GPC3: variants seen among roughly 807,000 people sequenced by gnomAD.
GPC3 encodes the protein glypican 3, also known as glypican-3.
In GPC3, 3 loss-of-function variants were observed where a neutral mutation model predicts 34.4. The ratio of observed to expected loss-of-function variants is 0.09; its 90% CI spans 0.04 to 0.23. GPC3 has a LOEUF of 0.23. GPC3 is among the 10% of genes least tolerant of loss of function. The pLI is 1.00. For missense variants in GPC3, 351 were observed against 445.6 expected, an observed-to-expected ratio of 0.79 and a Z score of 1.91; for synonymous variants, 177 against 174.0, an observed-to-expected ratio of 1.02 and a Z score of -0.13.
intron 1 of GPC3, among the ~76,000 whole-genome samples, chrX:133,974,038 T>G (rs771042572): frequency 1.4e-4 from 16 of 111,773 alleles, no homozygotes; most frequent in Admixed American, 3.8e-4. Context: ...TTCAGCGTTT[T>G]TTTTGTTTTG....
chrX:133,876,308 C>T (rs1286287385), intron 2 of GPC3, among the ~76,000 whole-genome samples: 2 of 111,796 alleles, frequency 1.8e-5, no homozygotes, highest in Non-Finnish European at 3.8e-5. Context: ...TTTCTTTTTC[C>T]CAAAGGCATA....
chrX:133,736,484 T>A (rs757288034), intron 3 of GPC3, among the ~76,000 whole-genome samples: 15 of 111,947 alleles, frequency 1.3e-4, no homozygotes, highest in Non-Finnish European at 3.8e-5. Context: ...CAAATGTCCA[T>A]CAACTGATAA....
At chrX:133,546,962 T>C (rs768633282) in intron 7 of GPC3, among the ~76,000 whole-genome samples, 1 of 112,172 alleles carries the variant, frequency 8.9e-6, no homozygotes, top group East Asian at 2.8e-4. Flanking sequence ...AAATGTGGTA[T>C]GTATACACAG....
intron 3 of GPC3, among the ~76,000 whole-genome samples, chrX:133,725,814 C>G (rs969013028): frequency 1.8e-5 from 2 of 111,949 alleles, no homozygotes; most frequent in Non-Finnish European, 3.8e-5. Flanking sequence ...GCAGGTACTA[C>G]TGTTGGTAAC....
intron 2 of GPC3, among the ~76,000 whole-genome samples, chrX:133,779,040 C>G (rs1025976470): frequency 1.8e-5 from 2 of 111,895 alleles, no homozygotes; most frequent in Admixed American, 1.9e-4. Context: ...GAAAATTTTA[C>G]TGATGAGGAA....
intron 7 of GPC3, among the ~76,000 whole-genome samples, chrX:133,558,279 C>T (rs1044518952): frequency 2.6e-5 from 2 of 75,924 alleles, no homozygotes; most frequent in Non-Finnish European, 4.8e-5. Flanking sequence ...TTAGGAGGCT[C>T]CCTTTTCAAT....
intron 3 of GPC3, among the ~76,000 whole-genome samples, chrX:133,725,105 T>C (rs1348501462): frequency 9.0e-6 from 1 of 111,550 alleles, no homozygotes; most frequent in African/African-American, 3.3e-5. Context: ...AGATGCCCTT[T>C]TATGATGCCC....
At chrX:133,907,482 C>G (rs2076174339) in intron 2 of GPC3, among the ~76,000 whole-genome samples, 1 of 111,393 alleles carries the variant, frequency 9.0e-6, no homozygotes, top group African/African-American at 3.3e-5. Flanking sequence ...CATCTCACCA[C>G]TGAAAAATAG....
At chrX:133,618,332 T>C (rs939485458) in intron 6 of GPC3, among the ~76,000 whole-genome samples, 4 of 111,601 alleles carry the variant, frequency 3.6e-5, no homozygotes, top group African/African-American at 1.3e-4. Flanking sequence ...TCTTAAACCG[T>C]CTGGATACAA....
At chrX:133,751,092 A>C (rs371487895) in intron 3 of GPC3, among the ~76,000 whole-genome samples, 1 of 106,184 alleles carries the variant, frequency 9.4e-6, no homozygotes, top group Admixed American at 1.0e-4. Context: ...TAAATAAATA[A>C]ATAAATAAAT....
chrX:133,794,215 A>T (rs1468947935), intron 2 of GPC3, among the ~76,000 whole-genome samples: 5 of 111,996 alleles, frequency 4.5e-5, no homozygotes, highest in Admixed American at 1.9e-4. Flanking sequence ...GACACCAGTA[A>T]GCAATGCTTG....
At chrX:133,804,562 T>C (rs142544549) in intron 2 of GPC3, among the ~76,000 whole-genome samples, 15 of 110,830 alleles carry the variant, frequency 1.4e-4, no homozygotes, top group Non-Finnish European at 2.6e-4. Context: ...TAAATTCATC[T>C]CTTTTACTCT....
At chrX:133,644,128 ATT>A (rs998777507) in intron 6 of GPC3, among the ~76,000 whole-genome samples, 9 of 109,797 alleles carry the variant, frequency 8.2e-5, no homozygotes, top group Non-Finnish European at 1.7e-4. Flanking sequence ...GCCCGGCCTT[ATT>A]TTTTTGTTAT....
intron 2 of GPC3, among the ~76,000 whole-genome samples, chrX:133,863,640 A>T (rs1211370580): frequency 1.1e-5 from 1 of 90,204 alleles, no homozygotes; most frequent in Non-Finnish European, 2.1e-5. Context: ...GTTAACATAA[A>T]AATATTCCTT....
At chrX:133,883,761 C>T (rs1307574510) in intron 2 of GPC3, among the ~76,000 whole-genome samples, 2 of 111,604 alleles carry the variant, frequency 1.8e-5, no homozygotes, top group Non-Finnish European at 3.8e-5. Flanking sequence ...TATTTGTGTT[C>T]AGTTTTAGCT....
chrX:133,542,543 T>C (rs188803587), intron 7 of GPC3, among the ~76,000 whole-genome samples: 12 of 112,406 alleles, frequency 1.1e-4, no homozygotes, highest in Non-Finnish European at 1.9e-4. Context: ...AAAGAAGTGC[T>C]GCTATCAAAA....
chrX:133,867,197 C>CAA lies in GPC3; in HGVS notation c.337+85851_337+85852dup, dbSNP rs1310046646. Among the ~76,000 whole-genome samples, 205 of 96,104 alleles carry CAA rather than the reference C, an allele frequency of 2.1e-3. 1 individual carries two copies. The highest frequency in any genetic ancestry group is 7.1e-3 in the African/African-American group (188 of 26,372). 83.5% of individuals were successfully genotyped at this position (96,104 alleles called of 115,157 possible). A position where few individuals can be genotyped will look rare whatever the true frequency, so the allele number is the denominator to read the frequency against. ...TGGGTGACAGAGCCAGACTCTGTCTCAAAAAAAAAAAAATTGTTTATTCTA... is the reference window on the plus strand; with the variant it reads ...TGGGTGACAGAGCCAGACTCTGTCTCAAAAAAAAAAAAAAATTGTTTATTCTA... On this transcript the variant is annotated intron_variant, in intron 2 of 7. Transcript: ENST00000370818.
At position 133,540,778 on chromosome X, in the gene GPC3, G is replaced by A. The variant is rs182332304; in HGVS notation, c.1574-4485C>T. On this transcript the variant is annotated intron_variant, in intron 7 of 7. Transcript: ENST00000370818. ...TGAAGGATGGACAGAATTATGGCAG[G>A]GGCTGAATGAATGGTTATTCCAGGC... Among the ~76,000 whole-genome samples, 256 of 111,238 alleles carry A rather than the reference G, an allele frequency of 2.3e-3. 1 individual carries two copies. Among genetic ancestry groups the A allele is most frequent in the Non-Finnish European group, 3.7e-3 (196 of 53,040 alleles).
chrX:133,602,121 A>G (rs2069988221), intron 6 of GPC3, among the ~76,000 whole-genome samples: 1 of 111,672 alleles, frequency 9.0e-6, no homozygotes, highest in Non-Finnish European at 1.9e-5. Context: ...TTGAGGCCAT[A>G]TGGATGAGCC....
Sources: gnomAD v4.1 joint callset for allele counts (sites outside exome capture counted in the v4.1 genomes callset) on GRCh38, gnomAD v4.1.1 for gene constraint, MANE v1.5 for transcripts, NCBI Gene and HGNC (gene_info 2026-07-23, HGNC 2026-07-21) for gene names.